Variants in PTPRQ observed in about 807,000 individuals in gnomAD.
The protein encoded by PTPRQ is protein tyrosine phosphatase receptor type Q.
In PTPRQ, 199 loss-of-function variants were observed where a neutral mutation model predicts 246.0. The observed-to-expected ratio is 0.81, with a 90% CI of 0.72 to 0.91. The LOEUF is 0.91. Ranked by LOEUF, PTPRQ falls within the 40% of genes least tolerant of loss-of-function variation. The pLI is 0.00. For synonymous variants in PTPRQ, 869 were observed against 853.2 expected, an observed-to-expected ratio of 1.02 and a Z score of -0.32; for missense variants, 2,624 against 2,528.4, an observed-to-expected ratio of 1.04 and a Z score of -0.81.
intron 35 of PTPRQ, among the ~76,000 whole-genome samples, chr12:80,641,864 A>ACT (rs759676451): frequency 2.8e-4 from 31 of 109,138 alleles, no homozygotes; most frequent in Middle Eastern, 5.1e-3. Context: ...TCTCTCTCTC[A>ACT]CTCTCTCTCT....
intron 9 of PTPRQ, 100 bp downstream of exon 9, chr12:80,484,705 C>T (rs1039354189): frequency 6.4e-6 from 9 of 1,400,760 alleles, no homozygotes; most frequent in Non-Finnish European, 8.6e-6. Flanking sequence ...TAATATTTGA[C>T]CACTTACTAG....
At chr12:80,673,039 A>G (rs1190377233) in intron 42 of PTPRQ, 130 bp from the exon 43 acceptor site, 3 of 1,351,530 alleles carry the variant, frequency 2.2e-6, no homozygotes, top group African/African-American at 3.0e-5. Flanking sequence ...AGACACTCCA[A>G]AGAAAATCTG....
chr12:80,671,793 A>G (rs1188850410), intron 42 of PTPRQ, among the ~76,000 whole-genome samples: 1 of 152,064 alleles, frequency 6.6e-6, no homozygotes, highest in Non-Finnish European at 1.5e-5. Context: ...TTTCTGTTTG[A>G]GCCAGAAGCC....
intron 25 of PTPRQ, among the ~76,000 whole-genome samples, chr12:80,575,993 CA>C (rs1318652319): frequency 2.6e-5 from 4 of 152,064 alleles, no homozygotes; most frequent in African/African-American, 9.7e-5. Context: ...TTTCTCCTTC[CA>C]TCTCTTCCTT....
chr12:80,594,296 C>T (rs775783355), intron 26 of PTPRQ, among the ~76,000 whole-genome samples: 41 of 151,998 alleles, frequency 2.7e-4, no homozygotes, highest in Admixed American at 1.2e-3. Flanking sequence ...GTGATTTTAG[C>T]CATAAGTAAA....
chr12:80,583,965 CCTT>C (rs1004383770), intron 25 of PTPRQ: 17 of 152,158 alleles, frequency 1.1e-4, no homozygotes, highest in East Asian at 9.6e-4. Context: ...GCAGCTCCCT[CCTT>C]CTTGAGAGCC....
At chr12:80,655,477 A>T (rs1900401292) in intron 38 of PTPRQ, among the ~76,000 whole-genome samples, 1 of 152,108 alleles carries the variant, frequency 6.6e-6, no homozygotes, top group Non-Finnish European at 1.5e-5. Context: ...ATGTCTGGAG[A>T]TAACAAACCC....
At chr12:80,665,599 A>G (rs1400741019) in intron 39 of PTPRQ, among the ~76,000 whole-genome samples, 1 of 152,072 alleles carries the variant, frequency 6.6e-6, no homozygotes, top group Non-Finnish European at 1.5e-5. Context: ...AAATATACAA[A>G]TGGGATTATA....
At chr12:80,597,713 A>G (rs541218967) in intron 26 of PTPRQ, among the ~76,000 whole-genome samples, 53 of 152,018 alleles carry the variant, frequency 3.5e-4, no homozygotes, top group African/African-American at 1.2e-3. Context: ...TGATTCTTAA[A>G]CTTGAACTAC....
At chr12:80,570,909 A>G (rs1428607480) in intron 25 of PTPRQ, among the ~76,000 whole-genome samples, 2 of 151,942 alleles carry the variant, frequency 1.3e-5, no homozygotes, top group Non-Finnish European at 2.9e-5. Context: ...GTGTGGCTTT[A>G]TTTCTGAGGC....
At chr12:80,546,406 A>G (rs1340718413) in intron 23 of PTPRQ, 150 bp from the exon 24 acceptor site, 2 of 824,550 alleles carry the variant, frequency 2.4e-6, no homozygotes, top group Non-Finnish European at 1.8e-6. Flanking sequence ...GCACAAAATA[A>G]ATGCTAATAT....
chr12:80,450,799 T>A (rs1892735918), intron 3 of PTPRQ, among the ~76,000 whole-genome samples: 1 of 152,222 alleles, frequency 6.6e-6, no homozygotes, highest in Admixed American at 6.5e-5. Flanking sequence ...ACTGAGGATT[T>A]TTGCATCGAT....
intron 25 of PTPRQ, among the ~76,000 whole-genome samples, chr12:80,553,039 A>G (rs533104289): frequency 6.6e-6 from 1 of 152,010 alleles, no homozygotes; most frequent in Non-Finnish European, 1.5e-5. Context: ...TTATTTACTC[A>G]CAGTTCTAAC....
chr12:80,445,827 C>A, intron 3 of PTPRQ, 110 bp downstream of exon 3: 2 of 734,556 alleles, frequency 2.7e-6, no homozygotes, highest in South Asian at 1.6e-5. Context: ...CAGTCAGTGA[C>A]TGACAACGTT....
At chr12:80,473,844 C>A (rs1240752970) in intron 8 of PTPRQ, among the ~76,000 whole-genome samples, 1 of 152,122 alleles carries the variant, frequency 6.6e-6, no homozygotes, top group African/African-American at 2.4e-5. Flanking sequence ...CTCCATTTGC[C>A]CTCTATAAAA....
intron 19 of PTPRQ, among the ~76,000 whole-genome samples, chr12:80,536,093 C>T (rs1238273089): frequency 6.6e-6 from 1 of 151,888 alleles, no homozygotes; most frequent in Non-Finnish European, 1.5e-5. Flanking sequence ...GGCGAGAGAG[C>T]GAGACTCCAT....
intron 26 of PTPRQ, among the ~76,000 whole-genome samples, chr12:80,597,069 C>T (rs1419130347): frequency 6.6e-6 from 1 of 151,956 alleles, no homozygotes; most frequent in Non-Finnish European, 1.5e-5. Context: ...GAGGTACTAA[C>T]TGATATGACA....
intron 26 of PTPRQ, among the ~76,000 whole-genome samples, chr12:80,596,469 GA>G (rs1301621226): frequency 6.6e-6 from 1 of 151,480 alleles, no homozygotes; most frequent in African/African-American, 2.4e-5. Context: ...TTTCATAAAG[GA>G]AAAAGGGGAG....
At chr12:80,487,815 C>A (rs1008514168) in intron 9 of PTPRQ, among the ~76,000 whole-genome samples, 10 of 152,204 alleles carry the variant, frequency 6.6e-5, no homozygotes, top group Admixed American at 6.6e-5. Context: ...TGTTCCATAA[C>A]AATTTTCCAC....
Sources: gnomAD v4.1 joint callset for allele counts (sites outside exome capture counted in the v4.1 genomes callset) on GRCh38, gnomAD v4.1.1 for gene constraint, MANE v1.5 for transcripts, NCBI Gene and HGNC (gene_info 2026-07-23, HGNC 2026-07-21) for gene names.